The following C4orf54 variants were observed in gnomAD, a reference collection of about 807,000 sequenced individuals.
C4orf54 encodes uncharacterized protein C4orf54.
In C4orf54, 67 loss-of-function variants were observed where a neutral mutation model predicts 80.1. The ratio of observed to expected loss-of-function variants is 0.84; its 90% CI spans 0.69 to 1.03. C4orf54 has a LOEUF of 1.03. Ranked by LOEUF, C4orf54 falls within the 50% of genes least tolerant of loss-of-function variation. C4orf54 has a pLI of 0.00. For synonymous variants in C4orf54, 1,000 were observed against 917.0 expected, an observed-to-expected ratio of 1.09 and a Z score of -1.64; for missense variants, 2,434 against 2,253.5, an observed-to-expected ratio of 1.08 and a Z score of -1.62.
chr4:99,648,530 T>A (rs1726736992), intron 2 of C4orf54, among the ~76,000 whole-genome samples: 1 of 145,276 alleles, frequency 6.9e-6, no homozygotes, highest in Non-Finnish European at 1.5e-5. Flanking sequence ...AGCTCCAGAA[T>A]CCTCCCTCCC....
intron 1 of C4orf54, among the ~76,000 whole-genome samples, chr4:99,655,270 C>T (rs942987599): frequency 1.3e-5 from 2 of 152,178 alleles, no homozygotes; most frequent in Non-Finnish European, 2.9e-5. Context: ...CTAAACTTAA[C>T]ACTTTAAGCA....
chr4:99,652,231 G>T lies in C4orf54; in HGVS notation c.2418C>A (p.Ser806=). 6.5e-7 allele frequency: 1 copy of T among 1,535,920 alleles called. No individual in the cohort carries two copies. Among genetic ancestry groups the T allele is most frequent in the Non-Finnish European group, 8.7e-7 (1 of 1,146,824 alleles). The change falls in exon 2 of 3, where the codon TCC becomes TCA. Residue 806 remains serine, a synonymous_variant. Transcript: ENST00000511828. ...TTTTGAGCAGACTGGAGGCGAACTT[G>T]GACTTCTGGGGGCCATCGGCGCGGG... ...PTSRADGPQK[S]KFASSLLKNV... is the part of the protein sequence containing the mutation.
chr4:99,649,566 TG>T lies in C4orf54; in HGVS notation c.5082del (p.Thr1695HisfsTer56), dbSNP rs1560636918. ...CCTCTTGGAGCGCGAGCAATTGGTGTGGGCTGCAGAGCATTGGTGGGCAGCA... is the reference window on the plus strand; with the variant it reads ...CCTCTTGGAGCGCGAGCAATTGGTGTGGCTGCAGAGCATTGGTGGGCAGCA... ...PTVLPTNALQ[P>X]TPIARAPRGS... On this transcript the variant is annotated frameshift_variant, in exon 2 of 3. Transcript: ENST00000511828. LOFTEE classifies it low-confidence loss of function (END_TRUNC). 2 of 1,536,066 alleles carry T rather than the reference TG, an allele frequency of 1.3e-6. No homozygotes were observed. Among genetic ancestry groups the T allele is most frequent in the Non-Finnish European group, 1.7e-6 (2 of 1,146,882 alleles).
chr4:99,653,635 T>C lies in C4orf54; in HGVS notation c.1014A>G (p.Gly338=). The C allele has an allele frequency of 6.5e-7, 1 of 1,533,460 alleles. No individual in the cohort carries two copies. The highest frequency in any genetic ancestry group is 1.2e-5 in the South Asian group (1 of 83,932). 95.0% of individuals were successfully genotyped at this position (1,533,460 alleles called of 1,614,324 possible). ...GGGGGKGGGG[G]GAGDGTECRD... ...TGCACTCTGTTCCATCTCCTGCCCC[T>C]CCTCCCCCTCCTCCTTTTCCTCCTC... is the stretch of plus-strand genomic sequence containing the variant. Residue 338 remains glycine (G), a synonymous_variant, in exon 2 of 3, where the codon GGA becomes GGG. Coordinates refer to ENST00000511828, the MANE Select transcript of C4orf54 (RefSeq NM_001354435.2).
rs1330405832 is a variant in C4orf54 at position 99,639,293 on chromosome 4, A to G, written c.*1940T>C. 6.6e-6 allele frequency: 1 copy of G among 152,086 alleles called. No individual in the cohort carries two copies. Among genetic ancestry groups the G allele is most frequent in the African/African-American group, 2.4e-5 (1 of 41,410 alleles). The allele number at this position is 152,086 out of a possible 1,614,324, so 9.4% of individuals were successfully genotyped here. A position where few individuals can be genotyped will look rare whatever the true frequency, so the allele number is the denominator to read the frequency against. ...TGCTGCTTTCAGTAAAATAAGTGTA[A>G]GATTTCTGAAAGGGATTCTACTTTC... On this transcript the variant is annotated 3_prime_UTR_variant, in exon 3 of 3. Transcript: ENST00000511828.
At position 99,652,920 on chromosome 4, in the gene C4orf54, G is replaced by A; in HGVS notation, c.1729C>T (p.Gln577Ter). Residue 577 changes from glutamine (Q) to a stop codon, truncating the protein, a stop_gained, in exon 2 of 3, where the codon CAG becomes TAG. Coordinates refer to ENST00000511828, the MANE Select transcript of C4orf54 (RefSeq NM_001354435.2). LOFTEE classifies it high-confidence loss of function. ...GCAATGAATTTCTTTGCATGGTCCTGAGCCACTGCTGCAGCCGGGTTTTGC... is the reference window on the plus strand; with the variant it reads ...GCAATGAATTTCTTTGCATGGTCCTAAGCCACTGCTGCAGCCGGGTTTTGC... ...LKQNPAAAVA[Q>*]DHAKKFIAVP... 2.0e-6 allele frequency: 3 copies of A among 1,536,142 alleles called. No homozygotes were observed. The South Asian group carries it at 3.6e-5, about 18-fold the overall frequency.
chr4:99,643,276 G>A lies in C4orf54; in HGVS notation c.*37-2080C>T, dbSNP rs143454612. 9.1e-3 allele frequency among the ~76,000 whole-genome samples: 1,387 copies of A among 152,296 alleles called. 57 individuals carry two copies. Among genetic ancestry groups the A allele is most frequent in the East Asian group, 0.07 (361 of 5,178 alleles). On this transcript the variant is annotated intron_variant, in intron 2 of 2. Transcript: ENST00000511828. The stretch of plus-strand genomic sequence containing the variant: ...CTCCTGAAATGTACCCCATTTTACA[G>A]ATGAGGAAAATGAGGCTCAGTGACA...
In C4orf54 at chr4:99,652,313, G is replaced by C. The variant is rs375234965; in HGVS notation, c.2336C>G (p.Pro779Arg). The change falls in exon 2 of 3, where the codon CCC becomes CGC. Residue 779 changes from proline to arginine, a missense_variant. Physicochemically the swap from Pro to Arg is moderately radical, Grantham distance 103. Coordinates refer to ENST00000511828, the MANE Select transcript of C4orf54 (RefSeq NM_001354435.2). Reference sequence around the variant, plus strand: ...GCCGTCGTCCGTGTATGCCGACCCGGGACCCTTGCCGGGGCCTTTGGTGGC... The same window carrying C: ...GCCGTCGTCCGTGTATGCCGACCCGCGACCCTTGCCGGGGCCTTTGGTGGC... ...GRATKGPGKG[P>R]GSAYTDDGSE... 7 of 1,535,904 alleles carry C rather than the reference G, an allele frequency of 4.6e-6. No homozygotes were observed. In the East Asian group the frequency reaches 9.8e-5, roughly 21 times the overall value.
Position 99,650,228 on chromosome 4 carries a change from G to C in C4orf54, c.4421C>G (p.Pro1474Arg). Residue 1474 changes from proline (P) to arginine (R), a missense_variant, in exon 2 of 3, where the codon CCT becomes CGT. By Grantham distance (103) the Pro-to-Arg change is moderately radical. Transcript: ENST00000511828. ...CCCTGCAGCAGAGCTTCCTTTAAGA[G>C]GGATGGTCAGGTAATTCTCACAGTC... ...NSDCENYLTI[P>R]LKGSSAAGEL... The C allele has an allele frequency of 6.5e-7, 1 of 1,536,100 alleles. No homozygotes were observed. The highest frequency in any genetic ancestry group is 8.7e-7 in the Non-Finnish European group (1 of 1,146,910).
Position 99,652,835 on chromosome 4 carries a change from T to G in C4orf54, c.1814A>C (p.Tyr605Ser). 1 of 1,535,908 alleles carries G rather than the reference T, an allele frequency of 6.5e-7. No homozygotes were observed. Among genetic ancestry groups the G allele is most frequent in the Non-Finnish European group, 8.7e-7 (1 of 1,146,860 alleles). The part of the protein sequence containing the change: ...GAIRAKELVD[Y>S]SSGASSAVSE... ...CACGGCACTGGAGGCTCCGCTGGAG[T>G]AGTCCACCAGCTCCTTCGCCCGGAT... The change falls in exon 2 of 3, where the codon TAC (tyrosine) becomes TCC (serine). Residue 605 changes from tyrosine to serine, a missense_variant. Coordinates refer to ENST00000511828, the MANE Select transcript of C4orf54 (RefSeq NM_001354435.2).
chr4:99,646,116 C>G (rs892856955), intron 2 of C4orf54, among the ~76,000 whole-genome samples: 7 of 151,598 alleles, frequency 4.6e-5, no homozygotes, highest in African/African-American at 1.7e-4. Flanking sequence ...CGGGAAGGAA[C>G]AAAAGTGAAG....
Position 99,651,175 on chromosome 4 carries a change from T to G in C4orf54, c.3474A>C (p.Val1158=). The change falls in exon 2 of 3, where the codon GTA becomes GTC. Residue 1158 remains valine (V), a synonymous_variant. Coordinates refer to ENST00000511828, the MANE Select transcript of C4orf54 (RefSeq NM_001354435.2). ...LSPMVITCQA[V]VNQREDSMDR... ...CCATGCTGTCTTCCCTCTGGTTCAC[T>G]ACAGCCTGGCATGTAATCACCATGG... The G allele has an allele frequency of 6.5e-7, 1 of 1,536,154 alleles. No individual in the cohort carries two copies. The highest frequency in any genetic ancestry group is 8.7e-7 in the Non-Finnish European group (1 of 1,146,908).
intron 1 of C4orf54, among the ~76,000 whole-genome samples, chr4:99,656,912 A>G (rs1726988231): frequency 6.6e-6 from 1 of 152,246 alleles, no homozygotes; most frequent in Non-Finnish European, 1.5e-5. Context: ...GAAGGAAGCC[A>G]CTTATCCACT....
In C4orf54 at chr4:99,652,324, G is replaced by A. The variant is rs778926663; in HGVS notation, c.2325C>T (p.Pro775=). 1.2e-5 allele frequency: 18 copies of A among 1,535,802 alleles called. No individual in the cohort carries two copies. Among genetic ancestry groups the A allele is most frequent in the Admixed American group, 5.9e-5 (3 of 50,968 alleles). The change falls in exon 2 of 3, where the codon CCC becomes CCT. Residue 775 remains proline (P), a synonymous_variant. Coordinates refer to ENST00000511828, the MANE Select transcript of C4orf54 (RefSeq NM_001354435.2). ...TGTATGCCGACCCGGGACCCTTGCCGGGGCCTTTGGTGGCCCTGCCGGGCC... is the reference window on the plus strand; with the variant it reads ...TGTATGCCGACCCGGGACCCTTGCCAGGGCCTTTGGTGGCCCTGCCGGGCC... ...APGPGRATKG[P]GKGPGSAYTD...
Position 99,653,282 on chromosome 4 carries a change from T to C in C4orf54, c.1367A>G (p.Asn456Ser), listed in dbSNP as rs996555216. The C allele has an allele frequency of 2.9e-5, 45 of 1,530,674 alleles. No homozygotes were observed. In the African/African-American group the frequency reaches 3.0e-4, roughly 10 times the overall value. The allele number at this position is 1,530,674 out of a possible 1,614,324, so 94.8% of individuals were successfully genotyped here. A position where few individuals can be genotyped will look rare whatever the true frequency, so the allele number is the denominator to read the frequency against. The change falls in exon 2 of 3, where the codon AAT becomes AGT. Residue 456 changes from asparagine (N) to serine (S), a missense_variant. Coordinates refer to ENST00000511828, the MANE Select transcript of C4orf54 (RefSeq NM_001354435.2). ...SPTSSDLARP[N>S]AGRSGRDTSS... ...GGTGTCGCGGCCACTGCGGCCTGCA[T>C]TGGGGCGGGCCAGGTCGCTGCTTGT...
intron 2 of C4orf54, 67 bp from the exon 3 acceptor site, chr4:99,641,263 T>A (rs1726603488): frequency 6.6e-6 from 1 of 152,138 alleles, no homozygotes; most frequent in East Asian, 1.9e-4. Context: ...AAAGCAAATT[T>A]CACTTTTACA....
Position 99,651,976 on chromosome 4 carries a change from C to T in C4orf54, c.2673G>A (p.Ala891=), listed in dbSNP as rs1008095241. ...MSDAGGEGSV[A]GSKSPVFKAS... is the part of the protein sequence containing the mutation. ...CTTTGAAGACTGGAGATTTGGAGCC[C>T]GCCACGGACCCCTCCCCGCCCGCGT... Residue 891 remains alanine (A), a synonymous_variant, in exon 2 of 3, where the codon GCG becomes GCA. Coordinates refer to ENST00000511828, the MANE Select transcript of C4orf54 (RefSeq NM_001354435.2). 16 of 1,536,100 alleles carry T rather than the reference C, an allele frequency of 1.0e-5. No homozygotes were observed. Among genetic ancestry groups the T allele is most frequent in the Non-Finnish European group, 1.3e-5 (15 of 1,146,900 alleles).
rs139645818 is a variant in C4orf54 at position 99,650,567 on chromosome 4, T to A, written c.4082A>T (p.Asn1361Ile). 6.5e-7 allele frequency: 1 copy of A among 1,535,864 alleles called. No homozygotes were observed. Among genetic ancestry groups the A allele is most frequent in the Non-Finnish European group, 8.7e-7 (1 of 1,146,854 alleles). The change falls in exon 2 of 3, where the codon AAC becomes ATC. Residue 1361 changes from asparagine (N) to isoleucine (I), a missense_variant. By Grantham distance (149) the Asn-to-Ile change is moderately radical. Transcript: ENST00000511828. ...SVSARAAAFE[N>I]LARERPRSLY... is the part of the protein sequence containing the mutation. ...AGATCGGGGTCTTTCCCTGGCCAGG[T>A]TCTCAAAGGCCGCTGCCCTGGCAGA...
chr4:99,649,583 G>A lies in C4orf54; in HGVS notation c.5066C>T (p.Thr1689Ile). ...YPGFLPTVLP[T>I]NALQPTPIAR... ...AATTGGTGTGGGCTGCAGAGCATTG[G>A]TGGGCAGCACGGTAGGCAGAAACCC... Residue 1689 changes from threonine to isoleucine, a missense_variant, in exon 2 of 3, where the codon ACC becomes ATC. Physicochemically the swap from Thr to Ile is moderately conservative, Grantham distance 89 (BLOSUM62 -1). Transcript: ENST00000511828. 6.5e-7 allele frequency: 1 copy of A among 1,536,148 alleles called. No individual in the cohort carries two copies. The highest frequency in any genetic ancestry group is 1.4e-5 in the African/African-American group (1 of 73,160).
Sources: gnomAD v4.1 joint callset for allele counts (sites outside exome capture counted in the v4.1 genomes callset) on GRCh38, gnomAD v4.1.1 for gene constraint, MANE v1.5 for transcripts, NCBI Gene and HGNC (gene_info 2026-07-23, HGNC 2026-07-21) for gene names.